Variants in ITGAD observed in about 807,000 individuals in gnomAD.
ITGAD encodes integrin alpha-D.
In ITGAD, 105 loss-of-function variants were observed where a neutral mutation model predicts 139.0. The ratio of observed to expected loss-of-function variants is 0.76; its 90% CI spans 0.65 to 0.89. The LOEUF (loss-of-function observed/expected upper bound fraction) is 0.89, where lower values mean the gene tolerates loss of function less well. Ranked by LOEUF, ITGAD falls within the 40% of genes least tolerant of loss-of-function variation. ITGAD has a pLI of 0.00. For missense variants in ITGAD, 1,384 were observed against 1,487.3 expected, an observed-to-expected ratio of 0.93 and a Z score of 1.14; for synonymous variants, 569 against 598.3, an observed-to-expected ratio of 0.95 and a Z score of 0.71.
chr16:31,409,285 TC>T (rs1198244852), intron 10 of ITGAD, among the ~76,000 whole-genome samples: 4 of 149,508 alleles, frequency 2.7e-5, no homozygotes, highest in African/African-American at 9.9e-5. Context: ...ACAGAACGAG[TC>T]TCTGTCTCAA....
At position 31,407,804 on chromosome 16, in the gene ITGAD, G is replaced by A. The variant is rs61755179; in HGVS notation, c.897G>A (p.Glu299=). Residue 299 remains glutamate, a synonymous_variant, in exon 9 of 30, where the codon GAG becomes GAA. Coordinates refer to ENST00000389202, the MANE Select transcript of ITGAD (RefSeq NM_005353.3). ...HAFQGPTARQ[E]LNTISSAPPQ... The stretch of plus-strand genomic sequence containing the variant: ...TCCAGGGACCCACTGCCAGGCAGGA[G>A]CTGAATACCATCAGCTCAGCGCCTC... 3.2e-5 allele frequency: 52 copies of A among 1,613,876 alleles called. No homozygotes were observed. Among genetic ancestry groups the A allele is most frequent in the Non-Finnish European group, 4.2e-5 (49 of 1,179,860 alleles).
rs1225579559 is a variant in ITGAD at position 31,414,978 on chromosome 16, T to G, written c.2270T>G (p.Leu757Arg). Residue 757 changes from leucine (L) to arginine (R), a missense_variant, in exon 18 of 30, where the codon CTC becomes CGC. Coordinates refer to ENST00000389202, the MANE Select transcript of ITGAD (RefSeq NM_005353.3). Reference sequence around the variant, plus strand: ...GTGCTGGCCGTGGGCTCACAAGACCTCTTCACTGCTTCTGTGAGTCTTCTG... The same window carrying G: ...GTGCTGGCCGTGGGCTCACAAGACCGCTTCACTGCTTCTGTGAGTCTTCTG... ...RPVLAVGSQD[L>R]FTASLPFEKN... The G allele has an allele frequency of 1.2e-6, 2 of 1,614,064 alleles. No individual in the cohort carries two copies. The highest frequency in any genetic ancestry group is 1.1e-5 in the South Asian group (1 of 91,084).
Position 31,418,303 on chromosome 16 carries a change from C to A in ITGAD, c.2619C>A (p.Gly873=), listed in dbSNP as rs2081938444. The change falls in exon 22 of 30, where the codon GGC becomes GGA. Residue 873 remains glycine (G), a splice_region_variant and synonymous_variant. Transcript: ENST00000389202. The part of the protein sequence containing the change: ...NHPIFHEGSN[G]TFIVTFDVSY... ...TTCTTTCCTTCTTCTTCCCTCAGGG[C>A]ACCTTCATAGTCACATTCGATGTCT... 1 of 1,613,790 alleles carries A rather than the reference C, an allele frequency of 6.2e-7. No homozygotes were observed. Among genetic ancestry groups the A allele is most frequent in the Non-Finnish European group, 8.5e-7 (1 of 1,179,706 alleles).
At chr16:31,420,675 A>G (rs2081990260) in intron 23 of ITGAD, among the ~76,000 whole-genome samples, 1 of 152,170 alleles carries the variant, frequency 6.6e-6, no homozygotes, top group Non-Finnish European at 1.5e-5. Flanking sequence ...CCCAGGTTCA[A>G]GTGATTCTCC....
At chr16:31,398,415 A>C (rs1242044519) in intron 5 of ITGAD, among the ~76,000 whole-genome samples, 1 of 150,986 alleles carries the variant, frequency 6.6e-6, no homozygotes, top group Non-Finnish European at 1.5e-5. Context: ...TGACAAGAGC[A>C]AAACTCCATC....
chr16:31,420,254 C>T (rs1048186504), intron 23 of ITGAD, among the ~76,000 whole-genome samples: 1 of 152,040 alleles, frequency 6.6e-6, no homozygotes, highest in Admixed American at 6.6e-5. Flanking sequence ...GCCAAGGCAG[C>T]GCAGGAAAGG....
chr16:31,409,229 A>C (rs1236882812), intron 10 of ITGAD, among the ~76,000 whole-genome samples: 1 of 152,100 alleles, frequency 6.6e-6, no homozygotes, highest in African/African-American at 2.4e-5. Flanking sequence ...CAGGAGGCAG[A>C]GGTTGCACTG....
Position 31,416,567 on chromosome 16 carries a change from C to T in ITGAD, c.2420C>T (p.Ala807Val). ...AACGTGATTGTGACTGTGTGGAACG[C>T]AGGTGAGGATTCCTACGGAACCGTG... is the stretch of plus-strand genomic sequence containing the variant. The part of the protein sequence containing the change: ...ELNVIVTVWN[A>V]GEDSYGTVVS... The change falls in exon 20 of 30, where the codon GCA becomes GTA. Residue 807 changes from alanine (A) to valine (V), a missense_variant. By Grantham distance (64) the Ala-to-Val change is moderately conservative. Transcript: ENST00000389202. 1 of 1,613,992 alleles carries T rather than the reference C, an allele frequency of 6.2e-7. No individual in the cohort carries two copies. The highest frequency in any genetic ancestry group is 1.1e-5 in the South Asian group (1 of 91,088).
chr16:31,415,016 G>T, intron 18 of ITGAD, 25 bp downstream of exon 18: 1 of 1,612,912 alleles, frequency 6.2e-7, no homozygotes, highest in Admixed American at 1.7e-5. Context: ...GAAGTCCCAG[G>T]GATGTGCTGA....
At chr16:31,406,709 C>T (rs930927235) in intron 7 of ITGAD, among the ~76,000 whole-genome samples, 7 of 152,086 alleles carry the variant, frequency 4.6e-5, no homozygotes, top group Non-Finnish European at 8.8e-5. Context: ...GTGCAAAAGC[C>T]GAAGAAACCA....
chr16:31,397,394 C>T lies in ITGAD; in HGVS notation c.173C>T (p.Ala58Val). Residue 58 changes from alanine (A) to valine (V), a missense_variant, in exon 3 of 30, where the codon GCC becomes GTC. Ala to Val is a moderately conservative substitution (Grantham distance 64). Transcript: ENST00000389202. Reference protein sequence around the residue: ...VVGAPLEVVAANQTGRLYDCA... With the variant: ...VVGAPLEVVAVNQTGRLYDCA... ...GGAGCACCCCTGGAGGTGGTGGCGGCCAACCAGACGGGACGGCTGTATGAC... is the reference window on the plus strand; with the variant it reads ...GGAGCACCCCTGGAGGTGGTGGCGGTCAACCAGACGGGACGGCTGTATGAC... The T allele has an allele frequency of 6.2e-7, 1 of 1,604,260 alleles. No homozygotes were observed. Among genetic ancestry groups the T allele is most frequent in the Non-Finnish European group, 8.5e-7 (1 of 1,176,004 alleles).
At chr16:31,410,951 G>A in intron 12 of ITGAD, 73 bp downstream of exon 12, 1 of 1,597,544 alleles carries the variant, frequency 6.3e-7, no homozygotes, top group Non-Finnish European at 8.5e-7. Flanking sequence ...GCCGGGGCTA[G>A]GGAGAGGATG....
intron 5 of ITGAD, among the ~76,000 whole-genome samples, chr16:31,399,422 T>G (rs1288180750): frequency 6.6e-6 from 1 of 152,124 alleles, no homozygotes; most frequent in Non-Finnish European, 1.5e-5. Flanking sequence ...CAGGGGCCGC[T>G]CAGGGTGCTG....
Position 31,426,323 on chromosome 16 carries a change from T to A in ITGAD, c.*195T>A. 2 of 530,530 alleles carry A rather than the reference T, an allele frequency of 3.8e-6. No homozygotes were observed. 32.9% of individuals were successfully genotyped at this position (530,530 alleles called of 1,614,324 possible). A position where few individuals can be genotyped will look rare whatever the true frequency, so the allele number is the denominator to read the frequency against. ...CCATCTTTTTCAGCAATGACCCACT[T>A]TTTACAGAAGCAGGCATGGTGCCAG... On this transcript the variant is annotated 3_prime_UTR_variant, in exon 30 of 30. Coordinates refer to ENST00000389202, the MANE Select transcript of ITGAD (RefSeq NM_005353.3).
intron 6 of ITGAD, chr16:31,402,536 T>C: frequency 4.1e-6 from 1 of 243,066 alleles, no homozygotes; most frequent in Middle Eastern, 1.4e-3. Flanking sequence ...ATATTTTCTA[T>C]GTAACTAATG....
Position 31,424,673 on chromosome 16 carries a change from C to T in ITGAD, c.3372+96C>T. 4 of 727,816 alleles carry T rather than the reference C, an allele frequency of 5.5e-6. No individual in the cohort carries two copies. The South Asian group carries it at 5.9e-5, about 11-fold the overall frequency. 45.1% of individuals were successfully genotyped at this position (727,816 alleles called of 1,614,324 possible). On this transcript the variant is annotated intron_variant, in intron 29 of 29. Transcript: ENST00000389202. ...AGTGCAATGGCATGATCTTGGCTCA[C>T]TGCAACCTCCACCTCCCGGGTTCAA...
At chr16:31,421,999 T>C (rs1176987315) in intron 23 of ITGAD, among the ~76,000 whole-genome samples, 3 of 152,082 alleles carry the variant, frequency 2.0e-5, no homozygotes, top group Non-Finnish European at 4.4e-5. Context: ...GGTGTGAACA[T>C]AGCTTACTGC....
intron 1 of ITGAD, 68 bp from the exon 2 acceptor site, chr16:31,394,159 AGAAAAAGAG>A: frequency 1.1e-6 from 1 of 869,866 alleles, no homozygotes; most frequent in Non-Finnish European, 1.8e-6. Flanking sequence ...AAGAAAAAAA[AGAAAAAGAG>A]GCTGGGAGGT....
At position 31,407,571 on chromosome 16, in the gene ITGAD, T is replaced by C. The variant is rs369026223; in HGVS notation, c.761T>C (p.Ile254Thr). Residue 254 changes from isoleucine (I) to threonine (T), a missense_variant, in exon 8 of 30, where the codon ATT (isoleucine) becomes ACT (threonine). Coordinates refer to ENST00000389202, the MANE Select transcript of ITGAD (RefSeq NM_005353.3). The stretch of plus-strand genomic sequence containing the variant: ...CGAAAAAGTGCCAAGAAGATCCTCA[T>C]TGTCATCACAGATGGGCAGAAGTAC... ...GARKSAKKIL[I>T]VITDGQKYKD... The C allele has an allele frequency of 9.2e-5, 149 of 1,611,902 alleles. No homozygotes were observed. Among genetic ancestry groups the C allele is most frequent in the Non-Finnish European group, 1.2e-4 (145 of 1,179,100 alleles).
Sources: allele counts gnomAD v4.1 joint callset (sites outside exome capture counted in the v4.1 genomes callset), GRCh38; gene constraint gnomAD v4.1.1; transcripts MANE v1.5; gene names NCBI Gene and HGNC (gene_info 2026-07-23, HGNC 2026-07-21).